The following TMEM196 variants were observed in gnomAD, a reference collection of about 807,000 sequenced individuals.
The protein encoded by TMEM196 is transmembrane protein 196.
Under a neutral mutation model 20.0 loss-of-function variants are expected in TMEM196, and 17 were observed. That is an observed-to-expected ratio of 0.85 (90% CI 0.58 to 1.27). TMEM196 has a LOEUF of 1.27. TMEM196 is among the 50% of genes most tolerant of loss of function. TMEM196 has a pLI of 0.00. For synonymous variants in TMEM196, 113 were observed against 88.9 expected, an observed-to-expected ratio of 1.27 and a Z score of -1.52; for missense variants, 267 against 223.0, an observed-to-expected ratio of 1.20 and a Z score of -1.26.
intron 1 of TMEM196, among the ~76,000 whole-genome samples, chr7:19,752,269 T>C (rs1013486790): frequency 6.6e-6 from 1 of 152,204 alleles, no homozygotes; most frequent in Non-Finnish European, 1.5e-5. Flanking sequence ...ACTCAAAACA[T>C]GAATCTCAAT....
At chr7:19,756,382 T>A (rs1323575768) in intron 1 of TMEM196, among the ~76,000 whole-genome samples, 1 of 152,046 alleles carries the variant, frequency 6.6e-6, no homozygotes, top group Non-Finnish European at 1.5e-5. Flanking sequence ...ATTTTAAAAG[T>A]TACGTGTGTA....
chr7:19,725,857 A>G, intron 2 of TMEM196, 89 bp from the exon 3 acceptor site: 2 of 1,428,340 alleles, frequency 1.4e-6, no homozygotes, highest in Non-Finnish European at 1.9e-6. Flanking sequence ...GTCAAGGATG[A>G]CTAGCCTACA....
chr7:19,770,667 T>C (rs891820352), intron 1 of TMEM196, among the ~76,000 whole-genome samples: 11 of 152,304 alleles, frequency 7.2e-5, no homozygotes, highest in African/African-American at 2.6e-4. Context: ...TTTTGCTCAC[T>C]CTAAACAACC....
At chr7:19,740,367 G>A (rs1306724890) in intron 1 of TMEM196, among the ~76,000 whole-genome samples, 1 of 152,140 alleles carries the variant, frequency 6.6e-6, no homozygotes, top group Non-Finnish European at 1.5e-5. Flanking sequence ...ACAAATGGCT[G>A]TGATTATTTG....
chr7:19,738,638 T>C (rs1784486527), intron 1 of TMEM196, among the ~76,000 whole-genome samples: 1 of 152,000 alleles, frequency 6.6e-6, no homozygotes, highest in Non-Finnish European at 1.5e-5. Flanking sequence ...ACATTGAGGT[T>C]TGTCAAAGGG....
intron 1 of TMEM196, among the ~76,000 whole-genome samples, chr7:19,767,588 G>A (rs907636060): frequency 4.6e-5 from 7 of 151,906 alleles, no homozygotes; most frequent in Non-Finnish European, 8.8e-5. Flanking sequence ...TGAGGGAGTA[G>A]GGAAAAGGAC....
intron 3 of TMEM196, among the ~76,000 whole-genome samples, 171 bp from the exon 4 acceptor site, chr7:19,724,524 A>C (rs1007068122): frequency 5.2e-4 from 79 of 152,322 alleles, no homozygotes; most frequent in African/African-American, 1.9e-3. Context: ...TGCTATGTAT[A>C]TTATTAACTG....
At chr7:19,736,255 G>A (rs1442902658) in intron 1 of TMEM196, among the ~76,000 whole-genome samples, 1 of 150,600 alleles carries the variant, frequency 6.6e-6, no homozygotes, top group African/African-American at 2.4e-5. Flanking sequence ...GCTGATGATT[G>A]TGTTTTTCTT....
intron 2 of TMEM196, 138 bp from the exon 3 acceptor site, chr7:19,725,906 C>G: frequency 9.8e-7 from 1 of 1,021,166 alleles, no homozygotes; most frequent in Non-Finnish European, 1.3e-6. Context: ...TCACAGAGGA[C>G]AGGAGATTTT....
At chr7:19,736,350 C>G (rs59362374) in intron 1 of TMEM196, among the ~76,000 whole-genome samples, 2,577 of 52,616 alleles carry the variant, frequency 0.049, 120 homozygotes, top group African/African-American at 0.18. Flanking sequence ...CTAGTGGTTC[C>G]TACTATATAT....
intron 1 of TMEM196, among the ~76,000 whole-genome samples, chr7:19,730,523 C>T (rs913468978): frequency 1.3e-5 from 2 of 152,162 alleles, no homozygotes; most frequent in African/African-American, 4.8e-5. Context: ...AAGAAGTCCA[C>T]TAAAGGACTT....
At position 19,721,771 on chromosome 7, in the gene TMEM196, A is replaced by G. The variant is rs1373433437; in HGVS notation, c.*357T>C. The G allele has an allele frequency of 1.3e-5, 3 of 235,094 alleles. No individual in the cohort carries two copies. The highest frequency in any genetic ancestry group is 4.6e-5 in the African/African-American group (2 of 43,594). 14.6% of individuals were successfully genotyped at this position (235,094 alleles called of 1,614,324 possible). On this transcript the variant is annotated 3_prime_UTR_variant, in exon 5 of 5. Coordinates refer to ENST00000405844, the MANE Select transcript of TMEM196 (RefSeq NM_001363562.2). ...ACAAATATAATAATCATGCTAGTCA[A>G]ATAGTGTTTGTATAGAATATGCATT...
chr7:19,724,636 G>A (rs1352048865), intron 3 of TMEM196, among the ~76,000 whole-genome samples: 2 of 152,116 alleles, frequency 1.3e-5, no homozygotes, highest in African/African-American at 4.8e-5. Flanking sequence ...ACACAAAATG[G>A]AAACGCTACA....
At chr7:19,736,647 C>G (rs1316683564) in intron 1 of TMEM196, among the ~76,000 whole-genome samples, 1 of 151,570 alleles carries the variant, frequency 6.6e-6, no homozygotes, top group Non-Finnish European at 1.5e-5. Context: ...CAGTGCTTTA[C>G]CAATAGACCT....
chr7:19,739,216 T>A (rs1310262324), intron 1 of TMEM196, among the ~76,000 whole-genome samples: 1 of 152,142 alleles, frequency 6.6e-6, no homozygotes, highest in African/African-American at 2.4e-5. Flanking sequence ...ATAATTGATA[T>A]ATGAAATTCC....
At chr7:19,722,167 C>A (rs756720670) in intron 4 of TMEM196, 33 bp from the exon 5 acceptor site, 1 of 1,580,202 alleles carries the variant, frequency 6.3e-7, no homozygotes, top group South Asian at 1.1e-5. Context: ...AATTAAAATT[C>A]GCTTTTGGAG....
At position 19,722,104 on chromosome 7, in the gene TMEM196, G is replaced by T. The variant is rs771907696; in HGVS notation, c.*24C>A. On this transcript the variant is annotated 3_prime_UTR_variant, in exon 5 of 5. Transcript: ENST00000405844. Reference sequence around the variant, plus strand: ...ACTCTTCCATTAAATATCAGCTGTGGTCCTCCATTGCTCATGTTGTCTGTT... The same window carrying T: ...ACTCTTCCATTAAATATCAGCTGTGTTCCTCCATTGCTCATGTTGTCTGTT... 3.1e-6 allele frequency: 5 copies of T among 1,609,922 alleles called. No homozygotes were observed. Among genetic ancestry groups the T allele is most frequent in the African/African-American group, 1.3e-5 (1 of 74,710 alleles).
At chr7:19,754,913 A>G (rs1369183897) in intron 1 of TMEM196, among the ~76,000 whole-genome samples, 1 of 152,190 alleles carries the variant, frequency 6.6e-6, no homozygotes, top group Non-Finnish European at 1.5e-5. Context: ...TACCATGATG[A>G]AAATCACAGC....
At chr7:19,740,420 T>C (rs1035985890) in intron 1 of TMEM196, among the ~76,000 whole-genome samples, 3 of 152,168 alleles carry the variant, frequency 2.0e-5, no homozygotes, top group African/African-American at 4.8e-5. Flanking sequence ...GACTGAACTT[T>C]TGTTGAATGC....
Sources: gnomAD v4.1 joint callset for allele counts (sites outside exome capture counted in the v4.1 genomes callset) on GRCh38, gnomAD v4.1.1 for gene constraint, MANE v1.5 for transcripts, NCBI Gene and HGNC (gene_info 2026-07-23, HGNC 2026-07-21) for gene names.